Variants in XIRP2 observed in about 807,000 individuals in gnomAD.
XIRP2 encodes xin actin binding repeat containing 2, also known as xin actin-binding repeat-containing protein 2.
A neutral mutation model predicts 277.0 loss-of-function variants in XIRP2; 236 were observed. The observed-to-expected ratio is 0.85, with a 90% CI of 0.77 to 0.95. The LOEUF (loss-of-function observed/expected upper bound fraction) is 0.95. Ranked by LOEUF, XIRP2 falls within the 40% of genes least tolerant of loss-of-function variation. XIRP2 has a pLI of 0.00. For missense variants in XIRP2, 4,640 were observed against 4,157.5 expected (o/e 1.12, Z -3.19); for synonymous variants, 1,490 against 1,416.5 (o/e 1.05, Z -1.17).
intron 3 of XIRP2, among the ~76,000 whole-genome samples, chr2:167,138,960 G>C (rs1010823376): frequency 6.6e-6 from 1 of 151,972 alleles, no homozygotes; most frequent in African/African-American, 2.4e-5. Context: ...TCAGCTACTC[G>C]GGAGGCTGAG....
rs116796663 is a variant in XIRP2 at position 166,930,547 on chromosome 2, T to C, written c.408+26657T>C. 4.8e-3 allele frequency among the ~76,000 whole-genome samples: 732 copies of C among 152,294 alleles called. 4 individuals carry two copies. Among genetic ancestry groups the C allele is most frequent in the African/African-American group, 0.016 (683 of 41,562 alleles). ...TTGTTGAATATGCCTCTATTGAAAT[T>C]TGAGATGTAGAAACTTGATTGTATG... On this transcript the variant is annotated intron_variant, in intron 2 of 10. Coordinates refer to ENST00000409195, the MANE Select transcript of XIRP2 (RefSeq NM_152381.6).
rs969152453 is a variant in XIRP2 at position 166,929,661 on chromosome 2, G to C, written c.408+25771G>C. On this transcript the variant is annotated intron_variant, in intron 2 of 10. Coordinates refer to ENST00000409195, the MANE Select transcript of XIRP2 (RefSeq NM_152381.6). ...CTTTTTTTTTCCTTATTCCATATTT[G>C]ATAGTATTTTATCAAAACTTACCTT... Among the ~76,000 whole-genome samples the C allele has an allele frequency of 4.6e-5, 7 of 151,770 alleles. No homozygotes were observed. The East Asian group carries it at 1.4e-3, about 29-fold the overall frequency.
intron 2 of XIRP2, among the ~76,000 whole-genome samples, chr2:167,009,972 G>T (rs1687619430): frequency 6.6e-6 from 1 of 152,014 alleles, no homozygotes; most frequent in Non-Finnish European, 1.5e-5. Context: ...TTAGCCCTTT[G>T]TCAGATGAGT....
chr2:167,010,981 T>G (rs1289627814), intron 2 of XIRP2, among the ~76,000 whole-genome samples: 1 of 152,154 alleles, frequency 6.6e-6, no homozygotes, highest in East Asian at 1.9e-4. Context: ...GCTGACACAA[T>G]GGGGTTTTCT....
chr2:167,219,333 A>G (rs1694353853), intron 5 of XIRP2, among the ~76,000 whole-genome samples: 1 of 152,248 alleles, frequency 6.6e-6, no homozygotes, highest in South Asian at 2.1e-4. Context: ...GATCTAATAC[A>G]TAACTGTTGC....
intron 2 of XIRP2, among the ~76,000 whole-genome samples, chr2:167,085,083 G>A (rs1689887989): frequency 7.4e-6 from 1 of 135,690 alleles, no homozygotes; most frequent in African/African-American, 2.6e-5. Context: ...GGCATTTAGT[G>A]CTATAAATTT....
intron 5 of XIRP2, among the ~76,000 whole-genome samples, chr2:167,233,647 G>C (rs528627580): frequency 6.6e-5 from 10 of 151,614 alleles, no homozygotes; most frequent in Admixed American, 2.0e-4. Flanking sequence ...TCTCGATTTT[G>C]GTTGGTATTA....
rs559159010 is a variant in XIRP2 at position 167,106,486 on chromosome 2, T to C, written c.409-29423T>C. ...TTCAAAAATCAGTTAGGCATATTTA[T>C]GTGACCTTTTTCCGGGTTCTATATA... is the stretch of plus-strand genomic sequence containing the variant. On this transcript the variant is annotated intron_variant, in intron 2 of 10. Transcript: ENST00000409195. Among the ~76,000 whole-genome samples the C allele has an allele frequency of 2.0e-5, 3 of 151,914 alleles. No individual in the cohort carries two copies. The South Asian group carries it at 6.2e-4, about 31-fold the overall frequency.
chr2:167,044,644 T>G (rs1688744039), intron 2 of XIRP2, among the ~76,000 whole-genome samples: 1 of 152,078 alleles, frequency 6.6e-6, no homozygotes, highest in Non-Finnish European at 1.5e-5. Flanking sequence ...AGCTGAGAGC[T>G]ATATCAAGAA....
rs373677090 is a variant in XIRP2, at chr2:167,010,478, T to C, written c.408+106588T>C. ...TGCTGTTTTGGTTACTGTAGCCTTG[T>C]AGTATGGTTTGAAGTCAGGTAGCGT... On this transcript the variant is annotated intron_variant, in intron 2 of 10. Transcript: ENST00000409195. Among the ~76,000 whole-genome samples, 28 of 152,262 alleles carry C rather than the reference T, an allele frequency of 1.8e-4. No homozygotes were observed. In the East Asian group the frequency reaches 2.5e-3, roughly 14 times the overall value.
At chr2:167,088,822 C>G (rs1283569472) in intron 2 of XIRP2, among the ~76,000 whole-genome samples, 6 of 152,130 alleles carry the variant, frequency 3.9e-5, no homozygotes. Flanking sequence ...TTAGCTTATA[C>G]TTCACATTTT....
intron 2 of XIRP2, among the ~76,000 whole-genome samples, chr2:166,964,070 T>TA (rs993244346): frequency 1.3e-5 from 2 of 151,458 alleles, no homozygotes; most frequent in African/African-American, 4.8e-5. Context: ...AGAGGGAAAG[T>TA]AAAAAATGAT....
At chr2:167,007,584 A>G (rs1687536725) in intron 2 of XIRP2, among the ~76,000 whole-genome samples, 1 of 151,500 alleles carries the variant, frequency 6.6e-6, no homozygotes, top group South Asian at 2.1e-4. Flanking sequence ...GGTAAGTTGT[A>G]TGTACTGGGG....
Position 167,224,180 on chromosome 2 carries a change from C to G in XIRP2, c.858+5880C>G, listed in dbSNP as rs577218402. Among the ~76,000 whole-genome samples the G allele has an allele frequency of 7.9e-5, 12 of 152,228 alleles. 1 individual carries two copies. The highest frequency in any genetic ancestry group is 2.4e-4 in the African/African-American group (10 of 41,554). ...TAGTTCACTCATGAGGTGGTGCCCT[C>G]ATGACTAACTACCTCTTAGAGTTCT... On this transcript the variant is annotated intron_variant, in intron 5 of 10. Transcript: ENST00000409195.
At chr2:167,217,577 T>C (rs1016565041) in intron 4 of XIRP2, among the ~76,000 whole-genome samples, 55 of 152,156 alleles carry the variant, frequency 3.6e-4, no homozygotes, top group Non-Finnish European at 6.3e-4. Flanking sequence ...TTTTAAAATG[T>C]GGGTAATAGG....
intron 2 of XIRP2, among the ~76,000 whole-genome samples, chr2:166,957,318 C>T (rs12616296): frequency 0.091 from 13,824 of 151,646 alleles, 774 homozygotes; most frequent in East Asian, 0.3. Flanking sequence ...TCTTACTTTT[C>T]TGATTAAAAT....
chr2:166,927,032 T>A (rs1370274471), intron 2 of XIRP2, among the ~76,000 whole-genome samples: 1 of 152,136 alleles, frequency 6.6e-6, no homozygotes, highest in Non-Finnish European at 1.5e-5. Flanking sequence ...ATGCTCAACA[T>A]TAATTTGAAA....
chr2:167,068,736 G>C (rs1406152607), intron 2 of XIRP2, among the ~76,000 whole-genome samples: 3 of 152,106 alleles, frequency 2.0e-5, no homozygotes, highest in Admixed American at 1.3e-4. Context: ...TCTAGAGCAA[G>C]CTTGTCCAAC....
intron 3 of XIRP2, among the ~76,000 whole-genome samples, chr2:167,203,608 A>G (rs1473513981): frequency 6.6e-6 from 1 of 152,186 alleles, no homozygotes; most frequent in Non-Finnish European, 1.5e-5. Flanking sequence ...ATGTTTTTTA[A>G]GAACTCTGAA....
Sources: allele counts gnomAD v4.1 joint callset (sites outside exome capture counted in the v4.1 genomes callset), GRCh38; gene constraint gnomAD v4.1.1; transcripts MANE v1.5; gene names NCBI Gene and HGNC (gene_info 2026-07-23, HGNC 2026-07-21).